Variants in ITIH5 observed in about 807,000 individuals in gnomAD.
The protein encoded by ITIH5 is inter-alpha-trypsin inhibitor heavy chain 5.
ITIH5 carries 65 observed loss-of-function variants against 77.5 expected under a neutral mutation model. That is an observed-to-expected ratio of 0.84 (90% CI 0.69 to 1.03). The LOEUF is 1.03. Ranked by LOEUF, ITIH5 falls within the 50% of genes least tolerant of loss-of-function variation. ITIH5 has a pLI of 0.00. For synonymous variants in ITIH5, 525 were observed against 494.3 expected, an observed-to-expected ratio of 1.06 and a Z score of -0.82; for missense variants, 1,208 against 1,213.1, an observed-to-expected ratio of 1.00 and a Z score of 0.06.
intron 7 of ITIH5, among the ~76,000 whole-genome samples, chr10:7,587,042 G>A (rs1832693833): frequency 6.6e-6 from 1 of 152,142 alleles, no homozygotes; most frequent in South Asian, 2.1e-4. Context: ...GTTGCCCAGG[G>A]TGGTCTCGAA....
At chr10:7,607,993 T>C (rs1210480850) in intron 7 of ITIH5, among the ~76,000 whole-genome samples, 1 of 152,208 alleles carries the variant, frequency 6.6e-6, no homozygotes, top group East Asian at 1.9e-4. Context: ...GGCCTAGACC[T>C]GAACAGGCAA....
chr10:7,569,524 G>A (rs1265193851), intron 12 of ITIH5, 144 bp downstream of exon 12: 1 of 539,650 alleles, frequency 1.9e-6, no homozygotes, highest in African/African-American at 1.9e-5. Context: ...CAGGAGCGCA[G>A]TGCGCTTCCC....
chr10:7,666,808 C>T lies in ITIH5; in HGVS notation c.85G>A (p.Glu29Lys). 1 of 1,607,136 alleles carries T rather than the reference C, an allele frequency of 6.2e-7. No individual in the cohort carries two copies. The highest frequency in any genetic ancestry group is 8.5e-7 in the Non-Finnish European group (1 of 1,177,394). The part of the protein sequence containing the change: ...EEAQSWGHSS[E>K]QDGLRVPRQV... ...CTCCCCTCGGCTCCACTTACCTGCT[C>T]CGAAGAGTGGCCCCAGCTCTGCGCC... The change falls in exon 1 of 14, where the codon GAG (glutamate) becomes AAG (lysine). Residue 29 changes from glutamate (E) to lysine (K), a missense_variant. Physicochemically the swap from Glu to Lys is moderately conservative, Grantham distance 56. Coordinates refer to ENST00000397146, the MANE Select transcript of ITIH5 (RefSeq NM_030569.7).
At chr10:7,665,350 CT>C (rs1028843158) in intron 1 of ITIH5, among the ~76,000 whole-genome samples, 13 of 152,222 alleles carry the variant, frequency 8.5e-5, no homozygotes, top group African/African-American at 3.1e-4. Flanking sequence ...CCCTAAATTC[CT>C]TCACTCAGCA....
chr10:7,627,031 T>A (rs1247792620), intron 5 of ITIH5, among the ~76,000 whole-genome samples: 2 of 152,188 alleles, frequency 1.3e-5, no homozygotes, highest in Admixed American at 6.5e-5. Flanking sequence ...ACCCATTCTA[T>A]GCCAGGTGCC....
At chr10:7,575,562 C>T (rs1160455873) in intron 10 of ITIH5, among the ~76,000 whole-genome samples, 1 of 152,174 alleles carries the variant, frequency 6.6e-6, no homozygotes, top group Non-Finnish European at 1.5e-5. Context: ...GCTTTGGTTT[C>T]ACTGTGTTTC....
intron 10 of ITIH5, among the ~76,000 whole-genome samples, chr10:7,574,040 T>C (rs10905187): frequency 0.44 from 66,970 of 152,032 alleles, 14,996 homozygotes; most frequent in Middle Eastern, 0.65. Flanking sequence ...AACAATAATG[T>C]AATAAAAGAG....
chr10:7,664,560 A>G (rs1834332384), intron 1 of ITIH5, among the ~76,000 whole-genome samples: 1 of 152,144 alleles, frequency 6.6e-6, no homozygotes. Flanking sequence ...CAAGGGTGAA[A>G]ACCACTGCTT....
intron 7 of ITIH5, among the ~76,000 whole-genome samples, chr10:7,596,386 G>A (rs936709965): frequency 1.3e-5 from 2 of 152,180 alleles, no homozygotes; most frequent in Non-Finnish European, 2.9e-5. Flanking sequence ...GGGAGCCCAC[G>A]GAAGAGCCAG....
intron 4 of ITIH5, among the ~76,000 whole-genome samples, chr10:7,640,277 C>T (rs918043036): frequency 3.3e-5 from 5 of 151,034 alleles, no homozygotes; most frequent in Admixed American, 6.6e-5. Flanking sequence ...TTGAGATTAG[C>T]CTGGGCAATG....
intron 7 of ITIH5, among the ~76,000 whole-genome samples, chr10:7,603,074 C>T (rs1218382961): frequency 1.3e-5 from 2 of 152,186 alleles, no homozygotes; most frequent in East Asian, 1.9e-4. Flanking sequence ...CTGAGCATCA[C>T]GTAAACAACT....
chr10:7,576,828 T>G lies in ITIH5; in HGVS notation c.1603A>C (p.Ser535Arg). 1 of 1,614,198 alleles carries G rather than the reference T, an allele frequency of 6.2e-7. No homozygotes were observed. Among genetic ancestry groups the G allele is most frequent in the Non-Finnish European group, 8.5e-7 (1 of 1,180,022 alleles). The change falls in exon 10 of 14, where the codon AGT becomes CGT. Residue 535 changes from serine (S) to arginine (R), a missense_variant. Physicochemically the swap from Ser to Arg is moderately radical, Grantham distance 110. Coordinates refer to ENST00000397146, the MANE Select transcript of ITIH5 (RefSeq NM_030569.7). ...HLHVEVTASN[S>R]KKFIILKTDV... ...GTCTTCAGGATGATGAATTTCTTAC[T>G]GTTGCTGGCGGTGACCTCCACGTGC...
intron 2 of ITIH5, among the ~76,000 whole-genome samples, chr10:7,645,353 A>C (rs1459007701): frequency 6.6e-6 from 1 of 152,162 alleles, no homozygotes; most frequent in Non-Finnish European, 1.5e-5. Context: ...GCGCTTCTCA[A>C]AGTGTGGTCC....
At chr10:7,631,335 A>C (rs772463975) in intron 5 of ITIH5, among the ~76,000 whole-genome samples, 5 of 152,206 alleles carry the variant, frequency 3.3e-5, no homozygotes, top group African/African-American at 4.8e-5. Flanking sequence ...ATGAAGGCTG[A>C]CGCTAAGCCA....
rs569303860 is a variant in ITIH5, at chr10:7,662,914, T to TC, written c.90+3888dup. Among the ~76,000 whole-genome samples, 1,503 of 152,058 alleles carry TC rather than the reference T, an allele frequency of 9.9e-3. 8 individuals carry two copies. The highest frequency in any genetic ancestry group is 0.015 in the Non-Finnish European group (997 of 67,980). On this transcript the variant is annotated intron_variant, in intron 1 of 13. Transcript: ENST00000397146. ...GCTATCTTGATTTTTGTTGTTTTTT[T>TC]CCCCCCCAAATGCAAAAATTTGCTT...
intron 7 of ITIH5, among the ~76,000 whole-genome samples, chr10:7,613,245 C>A (rs1367965412): frequency 9.7e-5 from 14 of 143,616 alleles, no homozygotes; most frequent in African/African-American, 3.8e-4. Flanking sequence ...GACTTCGTCT[C>A]AAAAAAAAAA....
chr10:7,569,616 G>T, intron 12 of ITIH5, 52 bp downstream of exon 12: 1 of 1,143,042 alleles, frequency 8.7e-7, no homozygotes, highest in Non-Finnish European at 1.3e-6. Context: ...AGAGGGGGAT[G>T]CAGTACCTAC....
rs752092484 is a variant in ITIH5, at chr10:7,634,088, CAAAAAAAAAA to C, written c.652+3130_652+3139del. On this transcript the variant is annotated intron_variant, in intron 5 of 13. Coordinates refer to ENST00000397146, the MANE Select transcript of ITIH5 (RefSeq NM_030569.7). ...TGGGCGACAGAGCAAGACTCCGTCT[CAAAAAAAAAA>C]AAAAAAAAAAAGGAAAGAAAAGAGA... Among the ~76,000 whole-genome samples the C allele has an allele frequency of 1.0e-4, 6 of 60,038 alleles. No individual in the cohort carries two copies. In the South Asian group the frequency reaches 2.7e-3, roughly 27 times the overall value. 39.4% of individuals were successfully genotyped at this position (60,038 alleles called of 152,430 possible).
chr10:7,570,776 C>T (rs764032261), intron 11 of ITIH5, among the ~76,000 whole-genome samples: 3 of 152,146 alleles, frequency 2.0e-5, no homozygotes, highest in Non-Finnish European at 4.4e-5. Context: ...GCACGTGCCA[C>T]CATGCCAGGC....
Sources: gnomAD v4.1 joint callset for allele counts (sites outside exome capture counted in the v4.1 genomes callset) on GRCh38, gnomAD v4.1.1 for gene constraint, MANE v1.5 for transcripts, NCBI Gene and HGNC (gene_info 2026-07-23, HGNC 2026-07-21) for gene names.